The following KALRN variants were observed in gnomAD, a reference collection of about 807,000 sequenced individuals.
KALRN encodes the protein kalirin RhoGEF kinase, also known as kalirin.
KALRN carries 70 observed loss-of-function variants against 353.7 expected under a neutral mutation model. That is an observed-to-expected ratio of 0.20 (90% confidence interval 0.16 to 0.24). KALRN has a LOEUF of 0.24. Among genes scored for constraint, KALRN ranks in the 10% least tolerant of loss-of-function variants. The pLI is 1.00. For synonymous variants in KALRN, 1,391 were observed against 1,434.8 expected (o/e 0.97, Z 0.69); for missense variants, 2,791 against 3,756.7 (o/e 0.74, Z 6.72).
At chr3:124,270,176 G>A (rs1157812357) in intron 5 of KALRN, among the ~76,000 whole-genome samples, 2 of 152,174 alleles carry the variant, frequency 1.3e-5, no homozygotes, top group East Asian at 3.8e-4. Context: ...CTTCCTATGA[G>A]TTTTCTGGAT....
intron 1 of KALRN, among the ~76,000 whole-genome samples, chr3:124,072,188 T>G (rs1360993555): frequency 6.6e-6 from 1 of 152,154 alleles, no homozygotes; most frequent in Non-Finnish European, 1.5e-5. Context: ...GGATATCAAT[T>G]TTCTAAATAC....
intron 1 of KALRN, among the ~76,000 whole-genome samples, chr3:124,217,371 G>A (rs1213684426): frequency 1.3e-5 from 2 of 152,152 alleles, no homozygotes; most frequent in Non-Finnish European, 2.9e-5. Context: ...TAATCCATCA[G>A]ATATGGTTAG....
At chr3:124,517,161 C>A (rs1288754471) in intron 33 of KALRN, among the ~76,000 whole-genome samples, 1 of 152,216 alleles carries the variant, frequency 6.6e-6, no homozygotes, top group Non-Finnish European at 1.5e-5. Flanking sequence ...AAGTTGGGCT[C>A]AGTGAGTTCA....
Position 124,104,044 on chromosome 3 carries a change from A to G in KALRN, c.73+70231A>G, listed in dbSNP as rs529413198. On this transcript the variant is annotated intron_variant, in intron 1 of 59. Transcript: ENST00000682506. ...CTTTCAAGTGATACTTATAAGGGGG[A>G]GCTCTTCTAGCTCTAATGTTTCATG... Among the ~76,000 whole-genome samples the G allele has an allele frequency of 1.6e-4, 24 of 152,252 alleles. No individual in the cohort carries two copies. The South Asian group carries it at 4.8e-3, about 30-fold the overall frequency.
At chr3:124,336,956 G>A (rs374909885) in intron 9 of KALRN, among the ~76,000 whole-genome samples, 2 of 152,142 alleles carry the variant, frequency 1.3e-5, no homozygotes, top group African/African-American at 4.8e-5. Context: ...TTACAGGAAT[G>A]CTTGTGATTT....
In KALRN at chr3:124,697,582, T is replaced by C; in HGVS notation, c.7700-11T>C. ...AGAAATAGCACCTGATCCTGATTTC[T>C]GTCTCCATAGGTGTTCCAGCAGCCC... is the stretch of plus-strand genomic sequence containing the variant. On this transcript the variant is annotated splice_polypyrimidine_tract_variant and intron_variant, in intron 54 of 59. Transcript: ENST00000682506. 1 of 1,578,402 alleles carries C rather than the reference T, an allele frequency of 6.3e-7. No homozygotes were observed. Among genetic ancestry groups the C allele is most frequent in the Non-Finnish European group, 8.6e-7 (1 of 1,165,434 alleles).
intron 13 of KALRN, among the ~76,000 whole-genome samples, chr3:124,411,664 T>G (rs2092172807): frequency 6.6e-6 from 1 of 152,070 alleles, no homozygotes; most frequent in South Asian, 2.1e-4. Context: ...CAGGCTGGTC[T>G]TGAACTCCTG....
chr3:124,138,084 C>T (rs570845407), intron 1 of KALRN, among the ~76,000 whole-genome samples: 5 of 152,170 alleles, frequency 3.3e-5, no homozygotes, highest in Non-Finnish European at 5.9e-5. Context: ...CAGAGCCTGT[C>T]CTGGGTGCCA....
rs1363717348 is a variant in KALRN, at chr3:124,399,020, C to T, written c.2346+149C>T. 8.1e-6 allele frequency: 6 copies of T among 743,292 alleles called. No homozygotes were observed. In the African/African-American group the frequency reaches 1.1e-4, roughly 13 times the overall value. The allele number at this position is 743,292 out of a possible 1,614,324, so 46.0% of individuals were successfully genotyped here. A position where few individuals can be genotyped will look rare whatever the true frequency, so the allele number is the denominator to read the frequency against. On this transcript the variant is annotated intron_variant, in intron 13 of 59. Transcript: ENST00000682506. ...CCAAGAAATTCCCAGTCCACCATGG[C>T]ATATTCCTTCCAGTCCCTCTCATCC...
intron 1 of KALRN, among the ~76,000 whole-genome samples, chr3:124,179,319 C>T (rs2150185531): frequency 6.6e-6 from 1 of 151,902 alleles, no homozygotes; most frequent in Non-Finnish European, 1.5e-5. Context: ...AATACACAAA[C>T]ATATTAGCCT....
At chr3:124,622,746 G>T (rs931641919) in intron 34 of KALRN, among the ~76,000 whole-genome samples, 14 of 152,146 alleles carry the variant, frequency 9.2e-5, no homozygotes, top group Non-Finnish European at 1.5e-5. Flanking sequence ...TCGCCTTGGG[G>T]TCAGTAGAAA....
intron 11 of KALRN, among the ~76,000 whole-genome samples, chr3:124,385,268 TG>T (rs1403983468): frequency 1.3e-5 from 2 of 152,062 alleles, no homozygotes; most frequent in Admixed American, 1.3e-4. Context: ...TGGAGACAGG[TG>T]GTTTTCGGGG....
intron 33 of KALRN, among the ~76,000 whole-genome samples, chr3:124,547,862 C>T (rs80304359): frequency 0.02 from 3,015 of 151,796 alleles, 86 homozygotes; most frequent in African/African-American, 0.066. Context: ...TTGATACTAC[C>T]GACCATCTCC....
chr3:124,622,566 G>A (rs582766), intron 34 of KALRN, among the ~76,000 whole-genome samples: 45,285 of 151,994 alleles, frequency 0.3, 8,018 homozygotes, highest in East Asian at 0.59. Context: ...TGTGATGCCC[G>A]CAATCCATGG....
chr3:124,627,844 T>C (rs2080139674), intron 34 of KALRN, among the ~76,000 whole-genome samples: 1 of 152,212 alleles, frequency 6.6e-6, no homozygotes, highest in East Asian at 1.9e-4. Flanking sequence ...GATTACAGCT[T>C]TTTCCTTAAA....
intron 34 of KALRN, among the ~76,000 whole-genome samples, chr3:124,576,845 T>C (rs1313781578): frequency 6.6e-6 from 1 of 152,206 alleles, no homozygotes; most frequent in Non-Finnish European, 1.5e-5. Context: ...TTTACCTTAA[T>C]TGAAACTCAG....
intron 3 of KALRN, among the ~76,000 whole-genome samples, chr3:124,240,722 G>A (rs573347398): frequency 7.9e-5 from 12 of 152,262 alleles, no homozygotes; most frequent in Admixed American, 2.0e-4. Flanking sequence ...GTAGTGGAGA[G>A]AAGATACAGA....
intron 15 of KALRN, among the ~76,000 whole-genome samples, chr3:124,423,587 T>C (rs573854515): frequency 4.5e-4 from 69 of 152,310 alleles, no homozygotes; most frequent in African/African-American, 1.7e-3. Context: ...ATTTTAAAAA[T>C]AGTACAGGCC....
At chr3:124,650,712 T>C (rs2083313149) in intron 37 of KALRN, 96 bp from the exon 38 acceptor site, 2 of 1,265,252 alleles carry the variant, frequency 1.6e-6, no homozygotes, top group Admixed American at 1.9e-5. Flanking sequence ...TGGCTACTGA[T>C]TTTCCATGTT....
Sources: gnomAD v4.1 joint callset for allele counts (sites outside exome capture counted in the v4.1 genomes callset) on GRCh38, gnomAD v4.1.1 for gene constraint, MANE v1.5 for transcripts, NCBI Gene and HGNC (gene_info 2026-07-23, HGNC 2026-07-21) for gene names.